Variants in PARD3B observed in about 807,000 individuals in gnomAD.
PARD3B encodes the protein partitioning defective 3 homolog B.
In PARD3B, 103 loss-of-function variants were observed where a neutral mutation model predicts 130.2. That is an observed-to-expected ratio of 0.79 (90% CI 0.67 to 0.93). PARD3B has a LOEUF of 0.93. PARD3B is among the 40% of genes least tolerant of loss of function. The pLI is 0.00. For synonymous variants in PARD3B, 583 were observed against 553.2 expected (o/e 1.05, Z -0.76); for missense variants, 1,609 against 1,499.2 (o/e 1.07, Z -1.21).
chr2:205,414,750 A>G (rs2046716580), intron 19 of PARD3B, among the ~76,000 whole-genome samples: 1 of 152,094 alleles, frequency 6.6e-6, no homozygotes, highest in Admixed American at 6.6e-5. Flanking sequence ...CATAATTGAT[A>G]TTTGTTCAAT....
intron 20 of PARD3B, among the ~76,000 whole-genome samples, chr2:205,443,210 A>T (rs1319246862): frequency 6.6e-6 from 1 of 152,204 alleles, no homozygotes; most frequent in East Asian, 1.9e-4. Flanking sequence ...TGCCCAGATA[A>T]GTCTAAGAAG....
intron 1 of PARD3B, among the ~76,000 whole-genome samples, chr2:204,605,968 G>A (rs532671399): frequency 6.6e-6 from 1 of 152,212 alleles, no homozygotes; most frequent in South Asian, 2.1e-4. Flanking sequence ...CCTGTTTTCT[G>A]TCTTTCCCTT....
intron 21 of PARD3B, among the ~76,000 whole-genome samples, chr2:205,512,092 G>A (rs4625893): frequency 0.94 from 142,439 of 152,262 alleles, 67,343 homozygotes; most frequent in East Asian, 1. Flanking sequence ...TGATCACTAC[G>A]GTAATATTGG....
intron 15 of PARD3B, among the ~76,000 whole-genome samples, chr2:205,204,636 A>G (rs934871881): frequency 8.5e-5 from 13 of 152,182 alleles, no homozygotes; most frequent in African/African-American, 3.1e-4. Flanking sequence ...AAAAAATATA[A>G]GGAAGGAGTC....
At chr2:205,013,979 T>A (rs1187584547) in intron 3 of PARD3B, among the ~76,000 whole-genome samples, 2 of 152,180 alleles carry the variant, frequency 1.3e-5, no homozygotes, top group Non-Finnish European at 2.9e-5. Flanking sequence ...CCTTCAATCC[T>A]TGTCTGTGTC....
rs141746280 is a variant in PARD3B at position 205,423,740 on chromosome 2, G to A, written c.2742-16630G>A. On this transcript the variant is annotated intron_variant, in intron 19 of 22. Coordinates refer to ENST00000406610, the MANE Select transcript of PARD3B (RefSeq NM_001302769.2). ...AAAGAAAATGTGATACCTATACACC[G>A]TGGAATACTCTGCAGCCATAAAAAA... Among the ~76,000 whole-genome samples, 69 of 152,204 alleles carry A rather than the reference G, an allele frequency of 4.5e-4. 1 individual carries two copies. The highest frequency in any genetic ancestry group is 1.3e-3 in the African/African-American group (55 of 41,532).
intron 1 of PARD3B, among the ~76,000 whole-genome samples, chr2:204,575,033 TG>T (rs563859729): frequency 2.7e-5 from 1 of 37,486 alleles, no homozygotes; most frequent in African/African-American, 5.6e-5. Flanking sequence ...ACTTTGCTGA[TG>T]TTTTTTTTTC....
intron 16 of PARD3B, among the ~76,000 whole-genome samples, chr2:205,261,811 T>G (rs370885602): frequency 6.2e-4 from 95 of 152,152 alleles, no homozygotes; most frequent in African/African-American, 2.2e-3. Context: ...AAAAAGAGGC[T>G]TATCTGGCTA....
intron 2 of PARD3B, among the ~76,000 whole-genome samples, chr2:204,735,924 C>T (rs1433742987): frequency 6.6e-6 from 1 of 152,158 alleles, no homozygotes; most frequent in Non-Finnish European, 1.5e-5. Flanking sequence ...CATTTATTTA[C>T]TCATTAACTT....
rs76949909 is a variant in PARD3B at position 204,673,129 on chromosome 2, C to T, written c.121-13052C>T. ...TACTTTAAAGCTCATACTTTTTCCACGAAGCATTTTGGGGAGTATGCTGAA... is the reference window on the plus strand; with the variant it reads ...TACTTTAAAGCTCATACTTTTTCCATGAAGCATTTTGGGGAGTATGCTGAA... On this transcript the variant is annotated intron_variant, in intron 1 of 22. Coordinates refer to ENST00000406610, the MANE Select transcript of PARD3B (RefSeq NM_001302769.2). This position sits in a 1 kb window ranked among gnomAD's most constrained non-coding sequence, Gnocchi z 4.7. Among the ~76,000 whole-genome samples, 1,256 of 152,212 alleles carry T rather than the reference C, an allele frequency of 8.3e-3. 10 individuals are homozygous for T. The highest frequency in any genetic ancestry group is 0.028 in the African/African-American group (1,152 of 41,544).
rs1454683593 is a variant in PARD3B at position 205,458,456 on chromosome 2, T to TA, written c.3044+17784_3044+17785insA. Among the ~76,000 whole-genome samples the TA allele has an allele frequency of 6.6e-6, 1 of 152,124 alleles. No homozygotes were observed. The highest frequency in any genetic ancestry group is 1.5e-5 in the Non-Finnish European group (1 of 68,028). ...GTTTTTGAGTTCTCTGTCTTCTGAT[T>TA]TACTACTCTTGCCTGTGTGCTGTGT... On this transcript the variant is annotated intron_variant, in intron 20 of 22. Coordinates refer to ENST00000406610, the MANE Select transcript of PARD3B (RefSeq NM_001302769.2). The surrounding 1 kb of genome is among the most constrained non-coding windows in gnomAD (Gnocchi z 4.8).
rs542083480 is a variant in PARD3B at position 205,389,642 on chromosome 2, C to A, written c.2631-11371C>A. Among the ~76,000 whole-genome samples, 1,031 of 152,318 alleles carry A rather than the reference C, an allele frequency of 6.8e-3. 6 individuals are homozygous for A. The highest frequency in any genetic ancestry group is 0.023 in the African/African-American group (947 of 41,558). ...TACAGGCATGAGCCACTGCGCCCGG[C>A]CTGTTATTTAAAATTCTCTTAATGG... On this transcript the variant is annotated intron_variant, in intron 18 of 22. Coordinates refer to ENST00000406610, the MANE Select transcript of PARD3B (RefSeq NM_001302769.2).
chr2:204,989,306 G>A (rs1693442388), intron 3 of PARD3B, among the ~76,000 whole-genome samples: 1 of 152,098 alleles, frequency 6.6e-6, no homozygotes, highest in Admixed American at 6.6e-5. Context: ...GTAAGGTAGG[G>A]AAAAATTGGG....
intron 6 of PARD3B, among the ~76,000 whole-genome samples, chr2:205,117,878 T>C (rs1188865157): frequency 6.6e-6 from 1 of 152,106 alleles, no homozygotes; most frequent in Non-Finnish European, 1.5e-5. Context: ...GGTTTAGTTT[T>C]GGTTTATATA....
At chr2:204,584,087 A>T (rs1409491764) in intron 1 of PARD3B, among the ~76,000 whole-genome samples, 1 of 152,218 alleles carries the variant, frequency 6.6e-6, no homozygotes, top group Admixed American at 6.5e-5. Context: ...ACAGAATTAG[A>T]TGCAAGGGTG....
At chr2:205,526,236 G>C (rs895044806) in intron 21 of PARD3B, among the ~76,000 whole-genome samples, 1 of 152,124 alleles carries the variant, frequency 6.6e-6, no homozygotes, top group Non-Finnish European at 1.5e-5. Flanking sequence ...AGTCACATCT[G>C]GGTGTCTGTG....
intron 2 of PARD3B, among the ~76,000 whole-genome samples, chr2:204,694,876 G>A (rs1311371903): frequency 1.3e-5 from 2 of 151,956 alleles, no homozygotes; most frequent in African/African-American, 4.8e-5. Flanking sequence ...CCCTGAATTT[G>A]TTTGCTTGTT....
intron 2 of PARD3B, among the ~76,000 whole-genome samples, chr2:204,867,210 T>A (rs2045460686): frequency 6.6e-6 from 1 of 152,186 alleles, no homozygotes; most frequent in African/African-American, 2.4e-5. Flanking sequence ...TTTGACCTAA[T>A]TAGCTTTTGA....
intron 2 of PARD3B, among the ~76,000 whole-genome samples, chr2:204,925,466 G>A (rs373676705): frequency 1.1e-4 from 17 of 151,974 alleles, no homozygotes; most frequent in African/African-American, 3.1e-4. Flanking sequence ...TCCATGTGAC[G>A]AAAACTGACT....
Sources: gnomAD v4.1 joint callset for allele counts (sites outside exome capture counted in the v4.1 genomes callset) on GRCh38, gnomAD v4.1.1 for gene constraint, Gnocchi (gnomAD v3.1) non-coding constraint, MANE v1.5 for transcripts, NCBI Gene and HGNC (gene_info 2026-07-23, HGNC 2026-07-21) for gene names.